The following PKP4 variants were observed in gnomAD, a reference collection of about 807,000 sequenced individuals.
The protein encoded by PKP4 is plakophilin 4.
In PKP4, 90 loss-of-function variants were observed where a neutral mutation model predicts 145.1. The observed-to-expected ratio is 0.62, with a 90% CI of 0.52 to 0.74. The LOEUF is 0.74. PKP4 is among the 30% of genes least tolerant of loss of function. The probability of loss-of-function intolerance (pLI) is 0.00; values close to 1 mark genes in which losing one functional copy is unlikely to be tolerated. For missense variants in PKP4, 1,340 were observed against 1,482.7 expected (o/e 0.90, Z 1.58); for synonymous variants, 563 against 577.2 (o/e 0.98, Z 0.35).
intron 8 of PKP4, chr2:158,632,558 G>A (rs2053460842): frequency 6.6e-6 from 1 of 152,214 alleles, no homozygotes; most frequent in Non-Finnish European, 1.5e-5. Flanking sequence ...TCATACAGCA[G>A]ATGCTGTAGC....
intron 1 of PKP4, among the ~76,000 whole-genome samples, chr2:158,464,601 T>C (rs544341601): frequency 6.6e-6 from 1 of 152,358 alleles, no homozygotes; most frequent in African/African-American, 2.4e-5. Flanking sequence ...TATACTACTA[T>C]TGTATGCAGT....
intron 2 of PKP4, among the ~76,000 whole-genome samples, chr2:158,539,099 A>G (rs1003807796): frequency 1.2e-4 from 18 of 152,014 alleles, no homozygotes; most frequent in African/African-American, 4.3e-4. Context: ...CTTTCAATAT[A>G]TTTTCTGGCT....
chr2:158,623,277 G>A (rs746360252), intron 6 of PKP4, among the ~76,000 whole-genome samples: 3 of 152,072 alleles, frequency 2.0e-5, no homozygotes, highest in African/African-American at 2.4e-5. Context: ...GGGCTCAAGC[G>A]ATTTTCCTGA....
At chr2:158,672,864 A>G (rs1220805288) in intron 17 of PKP4, among the ~76,000 whole-genome samples, 1 of 152,208 alleles carries the variant, frequency 6.6e-6, no homozygotes, top group Non-Finnish European at 1.5e-5. Context: ...AGTAGAAGAG[A>G]AAACCAGATT....
intron 2 of PKP4, among the ~76,000 whole-genome samples, chr2:158,554,550 C>G (rs1380367654): frequency 6.6e-6 from 1 of 151,798 alleles, no homozygotes; most frequent in South Asian, 2.1e-4. Flanking sequence ...CTCAGCCTCC[C>G]GAGTAGCTGG....
At chr2:158,463,412 G>GAAAAAAAAAA (rs137946075) in intron 1 of PKP4, among the ~76,000 whole-genome samples, 1 of 113,436 alleles carries the variant, frequency 8.8e-6, no homozygotes. Flanking sequence ...GATCACAGTT[G>GAAAAAAAAAA]AAAAAAAAAA....
At chr2:158,489,660 ACAGTAT>A (rs564062928) in intron 1 of PKP4, among the ~76,000 whole-genome samples, 204 of 152,336 alleles carry the variant, frequency 1.3e-3, no homozygotes, top group African/African-American at 4.7e-3. Flanking sequence ...TTTCAGTGTT[ACAGTAT>A]CAGAAATGAA....
At chr2:158,616,876 A>G (rs976533442) in intron 4 of PKP4, among the ~76,000 whole-genome samples, 4 of 152,194 alleles carry the variant, frequency 2.6e-5, no homozygotes, top group Admixed American at 2.0e-4. Context: ...TAATAATTTC[A>G]GGTTCATTAA....
intron 1 of PKP4, among the ~76,000 whole-genome samples, chr2:158,479,792 C>T (rs1693060537): frequency 6.6e-6 from 1 of 152,120 alleles, no homozygotes; most frequent in Non-Finnish European, 1.5e-5. Flanking sequence ...TACTGTATGA[C>T]CCAGACAAGC....
chr2:158,552,371 T>G (rs926267071), intron 2 of PKP4, among the ~76,000 whole-genome samples: 1 of 152,190 alleles, frequency 6.6e-6, no homozygotes, highest in Non-Finnish European at 1.5e-5. Context: ...GGTGATTCGT[T>G]ATAGCAGCCA....
At chr2:158,550,877 G>A (rs930345848) in intron 2 of PKP4, among the ~76,000 whole-genome samples, 2 of 152,198 alleles carry the variant, frequency 1.3e-5, no homozygotes, top group African/African-American at 2.4e-5. Context: ...CAAATGTGGT[G>A]CCCTTCCGGG....
intron 19 of PKP4, among the ~76,000 whole-genome samples, chr2:158,674,905 A>G (rs1164239362): frequency 6.6e-6 from 1 of 152,236 alleles, no homozygotes; most frequent in African/African-American, 2.4e-5. Flanking sequence ...ACGAATATAC[A>G]TGGCCAGTGG....
At chr2:158,585,107 C>T (rs970192579) in intron 3 of PKP4, among the ~76,000 whole-genome samples, 3 of 152,098 alleles carry the variant, frequency 2.0e-5, no homozygotes, top group Non-Finnish European at 4.4e-5. Context: ...TTTTCATTTT[C>T]GCTTTTTGCA....
At chr2:158,493,156 C>A (rs1188731327) in intron 1 of PKP4, among the ~76,000 whole-genome samples, 3 of 151,914 alleles carry the variant, frequency 2.0e-5, no homozygotes, top group Non-Finnish European at 2.9e-5. Context: ...TTTTTTAAAT[C>A]ATTAATTTTA....
intron 10 of PKP4, among the ~76,000 whole-genome samples, chr2:158,641,688 A>C (rs985859332): frequency 6.6e-6 from 1 of 152,236 alleles, no homozygotes; most frequent in African/African-American, 2.4e-5. Flanking sequence ...TAGTACATAA[A>C]GCCCAGAAAT....
intron 2 of PKP4, among the ~76,000 whole-genome samples, chr2:158,562,905 T>C (rs1024488837): frequency 6.6e-6 from 1 of 152,176 alleles, no homozygotes; most frequent in Non-Finnish European, 1.5e-5. Flanking sequence ...TAGGTAGATA[T>C]AAGATTACGG....
rs1007476623 is a variant in PKP4 at position 158,680,407 on chromosome 2, T to G, written c.3331-22T>G. ...TTTTAAAAAATTGCTTTTATTTATT[T>G]GCCTTTTCATTTTGTCAACAGCATC... On this transcript the variant is annotated intron_variant, in intron 21 of 21. Transcript: ENST00000389759. 77 of 1,555,598 alleles carry G rather than the reference T, an allele frequency of 4.9e-5. 1 individual carries two copies. The highest frequency in any genetic ancestry group is 3.5e-6 in the Non-Finnish European group (4 of 1,151,686).
intron 3 of PKP4, among the ~76,000 whole-genome samples, chr2:158,592,683 T>A (rs1189707509): frequency 1.3e-5 from 2 of 152,226 alleles, no homozygotes; most frequent in Middle Eastern, 3.4e-3. Flanking sequence ...ACACCAGATT[T>A]AATAGTACCT....
At chr2:158,493,707 A>G (rs1695284175) in intron 1 of PKP4, among the ~76,000 whole-genome samples, 1 of 152,220 alleles carries the variant, frequency 6.6e-6, no homozygotes, top group African/African-American at 2.4e-5. Context: ...GCACTGCTGC[A>G]TGAGGGCATT....
Sources: gnomAD v4.1 joint callset for allele counts (sites outside exome capture counted in the v4.1 genomes callset) on GRCh38, gnomAD v4.1.1 for gene constraint, MANE v1.5 for transcripts, NCBI Gene and HGNC (gene_info 2026-07-23, HGNC 2026-07-21) for gene names.